DPPA4: variants seen among roughly 807,000 people sequenced by gnomAD.
DPPA4 encodes the protein developmental pluripotency-associated protein 4.
DPPA4 carries 22 observed loss-of-function variants against 33.7 expected under a neutral mutation model. That is an observed-to-expected ratio of 0.65 (90% CI 0.47 to 0.93). The LOEUF is 0.93. Ranked by LOEUF, DPPA4 falls within the 40% of genes least tolerant of loss-of-function variation. The probability of loss-of-function intolerance (pLI) is 0.00; values close to 1 mark genes in which losing one functional copy is unlikely to be tolerated. For synonymous variants in DPPA4, 156 were observed against 132.3 expected, an observed-to-expected ratio of 1.18 and a Z score of -1.23; for missense variants, 340 against 358.6, an observed-to-expected ratio of 0.95 and a Z score of 0.42.
In DPPA4 at chr3:109,326,412, CG is replaced by C. The variant is rs916023745; in HGVS notation, c.*1575del. On this transcript the variant is annotated 3_prime_UTR_variant, in exon 7 of 7. Transcript: ENST00000335658. ...AATTCTGACCACCAACAACCAACGG[CG>C]GGGGCGGGCAGGAGAGAAGAACATC... is the stretch of plus-strand genomic sequence containing the variant. 1.3e-5 allele frequency: 2 copies of C among 152,028 alleles called. No individual in the cohort carries two copies. Among genetic ancestry groups the C allele is most frequent in the African/African-American group, 4.8e-5 (2 of 41,390 alleles). 9.4% of individuals were successfully genotyped at this position (152,028 alleles called of 1,614,324 possible).
Position 109,327,205 on chromosome 3 carries a change from G to A in DPPA4, c.*783C>T, listed in dbSNP as rs1399918823. ...AAAAATCATGTGTTTGGGGGAGGGA[G>A]GGAATTAACAGCCTTTCTTTGCCTT... On this transcript the variant is annotated 3_prime_UTR_variant, in exon 7 of 7. Coordinates refer to ENST00000335658, the MANE Select transcript of DPPA4 (RefSeq NM_018189.4). The A allele has an allele frequency of 1.3e-5, 2 of 152,148 alleles. No individual in the cohort carries two copies. Among genetic ancestry groups the A allele is most frequent in the African/African-American group, 2.4e-5 (1 of 41,432 alleles). 9.4% of individuals were successfully genotyped at this position (152,148 alleles called of 1,614,324 possible). A position where few individuals can be genotyped will look rare whatever the true frequency, so the allele number is the denominator to read the frequency against.
intron 1 of DPPA4, 139 bp from the exon 2 acceptor site, chr3:109,334,132 C>T: frequency 1.2e-6 from 1 of 838,266 alleles, no homozygotes; most frequent in Non-Finnish European, 1.8e-6. Context: ...CTCTGGGTAT[C>T]ATCTTAATAC....
rs981539072 is a variant in DPPA4 at position 109,326,732 on chromosome 3, A to G, written c.*1256T>C. 1.3e-5 allele frequency: 2 copies of G among 152,242 alleles called. No individual in the cohort carries two copies. Among genetic ancestry groups the G allele is most frequent in the Admixed American group, 6.5e-5 (1 of 15,278 alleles). The allele number at this position is 152,242 out of a possible 1,614,324, so 9.4% of individuals were successfully genotyped here. On this transcript the variant is annotated 3_prime_UTR_variant, in exon 7 of 7. Coordinates refer to ENST00000335658, the MANE Select transcript of DPPA4 (RefSeq NM_018189.4). ...AAAAATTAAAAATTAATTACACAAT[A>G]GGATACATTAAATATGTGCAGCTTT...
intron 1 of DPPA4, among the ~76,000 whole-genome samples, chr3:109,334,813 C>T (rs1249292918): frequency 6.6e-6 from 1 of 152,166 alleles, no homozygotes; most frequent in Non-Finnish European, 1.5e-5. Flanking sequence ...TTACATTCCT[C>T]AGCCCCAACC....
At chr3:109,330,335 A>AAGG in intron 5 of DPPA4, 189 bp downstream of exon 5, 1 of 222,388 alleles carries the variant, frequency 4.5e-6, no homozygotes, top group African/African-American at 1.5e-4. Context: ...AAAAAAAGGA[A>AAGG]AAAAAAAAAA....
chr3:109,331,564 A>AAAAGAAAG (rs368651803), intron 4 of DPPA4, among the ~76,000 whole-genome samples, 170 bp downstream of exon 4: 23 of 106,190 alleles, frequency 2.2e-4, no homozygotes, highest in South Asian at 8.6e-4. Flanking sequence ...AAAAAAAAAA[A>AAAAGAAAG]AAAGAAAGAA....
upstream of DPPA4, among the ~76,000 whole-genome samples, chr3:109,337,766 G>A (rs1708243612): frequency 6.6e-6 from 1 of 152,098 alleles, no homozygotes; most frequent in African/African-American, 2.4e-5. Flanking sequence ...TCCAAAGTAT[G>A]GTTCCGGAGA....
In DPPA4 at chr3:109,327,391, G is replaced by C. The variant is rs1184453518; in HGVS notation, c.*597C>G. On this transcript the variant is annotated 3_prime_UTR_variant, in exon 7 of 7. Transcript: ENST00000335658. ...AACTCACTTAAAAGAGCTGTTGAAG[G>C]TCAGGCGCAGGGGCTCATGCCCATA... The C allele has an allele frequency of 6.6e-6, 1 of 152,272 alleles. No individual in the cohort carries two copies. Among genetic ancestry groups the C allele is most frequent in the Non-Finnish European group, 1.5e-5 (1 of 68,102 alleles). 9.4% of individuals were successfully genotyped at this position (152,272 alleles called of 1,614,324 possible).
chr3:109,330,345 A>T, intron 5 of DPPA4, 179 bp downstream of exon 5: 5 of 548,072 alleles, frequency 9.1e-6, no homozygotes, highest in Non-Finnish European at 1.3e-5. Flanking sequence ...AAAAAAAAAA[A>T]GAAATGCAAA....
intron 1 of DPPA4, among the ~76,000 whole-genome samples, chr3:109,334,298 G>A: frequency 6.6e-6 from 1 of 152,310 alleles, no homozygotes; most frequent in South Asian, 2.1e-4. Context: ...TGTAGTCTGA[G>A]TGCTATAGGA....
rs537918930 is a variant in DPPA4 at position 109,333,492 on chromosome 3, C to T, written c.178+378G>A. 2.8e-4 allele frequency: 56 copies of T among 199,808 alleles called. 1 individual carries two copies. The highest frequency in any genetic ancestry group is 1.3e-3 in the African/African-American group (53 of 42,330). The allele number at this position is 199,808 out of a possible 1,614,324, so 12.4% of individuals were successfully genotyped here. On this transcript the variant is annotated intron_variant, in intron 2 of 6. Coordinates refer to ENST00000335658, the MANE Select transcript of DPPA4 (RefSeq NM_018189.4). ...GTAAATTTTAACACTCCATTCCCAC[C>T]GCTTAATAAAGGTAGATATTGTCCT...
intron 2 of DPPA4, chr3:109,333,419 CA>C (rs1226391944): frequency 1.3e-5 from 2 of 156,270 alleles, no homozygotes; most frequent in African/African-American, 5.2e-5. Flanking sequence ...TTACTCTGTA[CA>C]TATTACTTCT....
chr3:109,332,223 T>G (rs1708098090), intron 2 of DPPA4, 192 bp from the exon 3 acceptor site: 1 of 402,750 alleles, frequency 2.5e-6, no homozygotes, highest in Non-Finnish European at 4.5e-6. Flanking sequence ...TGCCTCAGCC[T>G]CCTGAGTAGC....
chr3:109,339,342 C>T (rs554409530), upstream of DPPA4, among the ~76,000 whole-genome samples: 31 of 152,202 alleles, frequency 2.0e-4, no homozygotes, highest in Middle Eastern at 3.4e-3. Flanking sequence ...TGGGCAATAA[C>T]GTTAGGTCTC....
At chr3:109,331,712 C>G in intron 4 of DPPA4, 22 bp downstream of exon 4, 1 of 1,611,556 alleles carries the variant, frequency 6.2e-7, no homozygotes, top group South Asian at 1.1e-5. Context: ...AGCATTGAAA[C>G]GTCCATCCTT....
chr3:109,336,341 T>TA (rs1318277071), intron 1 of DPPA4: 1 of 152,062 alleles, frequency 6.6e-6, no homozygotes. Context: ...ACAAAAGACT[T>TA]AAAACCGAGA....
At chr3:109,331,835 C>G in intron 3 of DPPA4, 36 bp downstream of exon 3, 3 of 1,613,506 alleles carry the variant, frequency 1.9e-6, no homozygotes, top group Non-Finnish European at 2.5e-6. Flanking sequence ...TCCTACCCTT[C>G]CTCCCAGCAG....
At chr3:109,332,999 C>T (rs1708114253) in intron 2 of DPPA4, among the ~76,000 whole-genome samples, 1 of 151,692 alleles carries the variant, frequency 6.6e-6, no homozygotes, top group Non-Finnish European at 1.5e-5. Context: ...GGCAGGAGAA[C>T]TGTTTGAACC....
intron 1 of DPPA4, among the ~76,000 whole-genome samples, chr3:109,335,950 C>T (rs909901727): frequency 6.6e-6 from 1 of 151,352 alleles, no homozygotes; most frequent in African/African-American, 2.4e-5. Flanking sequence ...GTCAGGAGTT[C>T]GAGACCAGCC....
Sources: gnomAD v4.1 joint callset for allele counts (sites outside exome capture counted in the v4.1 genomes callset) on GRCh38, gnomAD v4.1.1 for gene constraint, MANE v1.5 for transcripts, NCBI Gene and HGNC (gene_info 2026-07-23, HGNC 2026-07-21) for gene names.